The following CAPN1 variants were observed in gnomAD, a reference collection of about 807,000 sequenced individuals.
CAPN1 encodes calpain-1 catalytic subunit.
Under a neutral mutation model 105.2 loss-of-function variants are expected in CAPN1, and 77 were observed. That is an observed-to-expected ratio of 0.73 (90% confidence interval 0.61 to 0.88). The LOEUF is 0.88. Ranked by LOEUF, CAPN1 falls within the 40% of genes least tolerant of loss-of-function variation. The probability of loss-of-function intolerance (pLI) is 0.00; values close to 1 mark genes in which losing one functional copy is unlikely to be tolerated. For missense variants in CAPN1, 833 were observed against 976.6 expected (o/e 0.85, Z 1.96); for synonymous variants, 355 against 388.8 (o/e 0.91, Z 1.02).
Position 65,208,235 on chromosome 11 carries a change from A to G in CAPN1, c.1702A>G (p.Thr568Ala). The G allele has an allele frequency of 6.4e-7, 1 of 1,572,664 alleles. No individual in the cohort carries two copies. Among genetic ancestry groups the G allele is most frequent in the African/African-American group, 1.4e-5 (1 of 74,026 alleles). ...DMEISVKELR[T>A]ILNRIISKHK... Reference sequence around the variant, plus strand: ...GGAGATCAGCGTGAAGGAGTTGCGGACAATCCTCAATAGGATCATCAGCAA... The same window carrying G: ...GGAGATCAGCGTGAAGGAGTTGCGGGCAATCCTCAATAGGATCATCAGCAA... Residue 568 changes from threonine (T) to alanine (A), a missense_variant, in exon 16 of 22, where the codon ACA (threonine) becomes GCA (alanine). Coordinates refer to ENST00000279247, the MANE Select transcript of CAPN1 (RefSeq NM_005186.4). The surrounding 1 kb of genome is among the most constrained non-coding windows in gnomAD (Gnocchi z 4.1).
intron 14 of CAPN1, 125 bp downstream of exon 14, chr11:65,206,944 C>A (rs1948970125): frequency 2.3e-6 from 2 of 872,264 alleles, no homozygotes; most frequent in Non-Finnish European, 3.5e-6. Context: ...CTGGTGGAAG[C>A]CATAGGAGTA....
At position 65,209,654 on chromosome 11, in the gene CAPN1, G is replaced by C. The variant is rs1277403788; in HGVS notation, c.1795-195G>C. 1 of 652,500 alleles carries C rather than the reference G, an allele frequency of 1.5e-6. No individual in the cohort carries two copies. The allele number at this position is 652,500 out of a possible 1,614,324, so 40.4% of individuals were successfully genotyped here. A position where few individuals can be genotyped will look rare whatever the true frequency, so the allele number is the denominator to read the frequency against. ...TGGTGCTATTTCTGACCCCTCCCCAGCCCACTCCACTGCAGCCCAGCTCAG... is the reference window on the plus strand; with the variant it reads ...TGGTGCTATTTCTGACCCCTCCCCACCCCACTCCACTGCAGCCCAGCTCAG... On this transcript the variant is annotated intron_variant, in intron 17 of 21. Transcript: ENST00000279247. The surrounding 1 kb of genome is among the most constrained non-coding windows in gnomAD (Gnocchi z 4.1).
Position 65,204,725 on chromosome 11 carries a change from A to C in CAPN1, c.1208A>C (p.Glu403Ala). ...VNPQFKIRLD[E>A]TDDPDDYGDR... ...CCTCAGTTCAAGATCCGGCTGGATGAGACGGATGACCCGGACGACTACGGG... is the reference window on the plus strand; with the variant it reads ...CCTCAGTTCAAGATCCGGCTGGATGCGACGGATGACCCGGACGACTACGGG... Residue 403 changes from glutamate to alanine, a missense_variant, in exon 11 of 22, where the codon GAG becomes GCG. Transcript: ENST00000279247. 6.2e-7 allele frequency: 1 copy of C among 1,613,126 alleles called. No homozygotes were observed. Among genetic ancestry groups the C allele is most frequent in the South Asian group, 1.1e-5 (1 of 91,086 alleles).
chr11:65,185,972 A>G lies in CAPN1; in HGVS notation c.512A>G (p.Lys171Arg). 2 of 1,601,738 alleles carry G rather than the reference A, an allele frequency of 1.2e-6. No individual in the cohort carries two copies. Among genetic ancestry groups the G allele is most frequent in the Non-Finnish European group, 1.7e-6 (2 of 1,174,132 alleles). The change falls in exon 5 of 22, where the codon AAG (lysine) becomes AGG (arginine). Residue 171 changes from lysine to arginine, a missense_variant. By Grantham distance (26) the Lys-to-Arg change is conservative. Coordinates refer to ENST00000279247, the MANE Select transcript of CAPN1 (RefSeq NM_005186.4). The stretch of plus-strand genomic sequence containing the variant: ...GTCGTGGATGACCTGCTGCCCATCA[A>G]GGACGGGAAGCTAGTGTTCGTGCAC... ...DVVVDDLLPI[K>R]DGKLVFVHSA...
intron 14 of CAPN1, 67 bp from the exon 15 acceptor site, chr11:65,207,988 C>T: frequency 7.9e-7 from 1 of 1,258,214 alleles, no homozygotes; most frequent in Non-Finnish European, 1.1e-6. Context: ...TCAGCCCTCC[C>T]TCCAGCTGCC....
At chr11:65,199,147 G>T (rs1461150813) in intron 10 of CAPN1, among the ~76,000 whole-genome samples, 2 of 152,024 alleles carry the variant, frequency 1.3e-5, no homozygotes, top group Non-Finnish European at 2.9e-5. Context: ...TTTTGTATTT[G>T]TATTTTTATT....
Position 65,188,233 on chromosome 11 carries a change from T to C in CAPN1, c.930-181T>C. On this transcript the variant is annotated intron_variant, in intron 8 of 21. Transcript: ENST00000279247. This position sits in a 1 kb window ranked among gnomAD's most constrained non-coding sequence, Gnocchi z 5.5. Reference sequence around the variant, plus strand: ...GGCCCCTGTGCCCAGCCGTCGGGTGTGTGCAGGGCATCAGACTGGCCCTGA... The same window carrying C: ...GGCCCCTGTGCCCAGCCGTCGGGTGCGTGCAGGGCATCAGACTGGCCCTGA... 4.4e-6 allele frequency: 3 copies of C among 683,322 alleles called. No individual in the cohort carries two copies. The highest frequency in any genetic ancestry group is 7.4e-6 in the Non-Finnish European group (3 of 405,942). The allele number at this position is 683,322 out of a possible 1,614,324, so 42.3% of individuals were successfully genotyped here. A position where few individuals can be genotyped will look rare whatever the true frequency, so the allele number is the denominator to read the frequency against.
rs575591830 is a variant in CAPN1 at position 65,188,433 on chromosome 11, G to A, written c.949G>A (p.Val317Met). ...TCACAGCTCCTCAGAGTGGAACAACGTGGACCCATATGAACGGGACCAGCT... is the reference window on the plus strand; with the variant it reads ...TCACAGCTCCTCAGAGTGGAACAACATGGACCCATATGAACGGGACCAGCT... ...WSDSSSEWNNVDPYERDQLRV... is the reference protein window; with the variant it reads ...WSDSSSEWNNMDPYERDQLRV... The change falls in exon 9 of 22, where the codon GTG becomes ATG. Residue 317 changes from valine to methionine, a missense_variant. Val to Met is a conservative substitution (Grantham distance 21). Coordinates refer to ENST00000279247, the MANE Select transcript of CAPN1 (RefSeq NM_005186.4). This position sits in a 1 kb window ranked among gnomAD's most constrained non-coding sequence, Gnocchi z 5.5. The A allele has an allele frequency of 2.1e-5, 34 of 1,612,414 alleles. No homozygotes were observed. The highest frequency in any genetic ancestry group is 2.6e-5 in the Non-Finnish European group (31 of 1,179,320).
At chr11:65,205,199 C>T (rs1230632819) in intron 11 of CAPN1, among the ~76,000 whole-genome samples, 1 of 152,142 alleles carries the variant, frequency 6.6e-6, no homozygotes, top group African/African-American at 2.4e-5. Flanking sequence ...AAGCTGTGAG[C>T]AGAAGCTGGC....
chr11:65,183,531 ACCGAGTGGTTCCGCACGGCCAGAGCTTC>A lies in CAPN1; in HGVS notation c.397_424del (p.Val134MetfsTer33), dbSNP rs1948581283. 6.2e-7 allele frequency: 1 copy of A among 1,613,848 alleles called. No homozygotes were observed. Among genetic ancestry groups the A allele is most frequent in the African/African-American group, 1.3e-5 (1 of 75,016 alleles). On this transcript the variant is annotated frameshift_variant, in exon 4 of 22. Coordinates refer to ENST00000279247, the MANE Select transcript of CAPN1 (RefSeq NM_005186.4). LOFTEE classifies it high-confidence loss of function. ...CTCACTCTCAACGACACCCTCCTGC[ACCGAGTGGTTCCGCACGGCCAGAGCTTC>A]CAGAATGGCTATGCCGGCATCTTCC...
At chr11:65,200,246 G>A (rs556444620) in intron 10 of CAPN1, among the ~76,000 whole-genome samples, 2 of 151,918 alleles carry the variant, frequency 1.3e-5, no homozygotes, top group East Asian at 1.9e-4. Context: ...TTACCACCTC[G>A]CCCAGGCTAG....
In CAPN1 at chr11:65,209,328, G is replaced by T. The variant is rs769524015; in HGVS notation, c.1735G>T (p.Asp579Tyr). Residue 579 changes from aspartate (D) to tyrosine (Y), a missense_variant, in exon 17 of 22, where the codon GAC becomes TAC. Coordinates refer to ENST00000279247, the MANE Select transcript of CAPN1 (RefSeq NM_005186.4). This position sits in a 1 kb window ranked among gnomAD's most constrained non-coding sequence, Gnocchi z 4.1. ...GGAATTGGTTTTTCTTGCAGACAAA[G>T]ACCTGCGGACCAAGGGCTTCAGCCT... is the stretch of plus-strand genomic sequence containing the variant. ...ILNRIISKHK[D>Y]LRTKGFSLES... is the part of the protein sequence containing the mutation. 6 of 1,613,418 alleles carry T rather than the reference G, an allele frequency of 3.7e-6. No individual in the cohort carries two copies. Among genetic ancestry groups the T allele is most frequent in the Non-Finnish European group, 2.5e-6 (3 of 1,179,662 alleles).
At position 65,183,178 on chromosome 11, in the gene CAPN1, C is replaced by G; in HGVS notation, c.318C>G (p.Asp106Glu). The change falls in exon 3 of 22, where the codon GAC (aspartate) becomes GAG (glutamate). Residue 106 changes from aspartate to glutamate, a missense_variant. Physicochemically the swap from Asp to Glu is conservative, Grantham distance 45. Coordinates refer to ENST00000279247, the MANE Select transcript of CAPN1 (RefSeq NM_005186.4). ...TTGTGGATGGAGCTACCCGCACAGA[C>G]ATCTGCCAGGGAGCACTGGGTAGGC... ...QFIVDGATRT[D>E]ICQGALGDCW... is the part of the protein sequence containing the mutation. 6.2e-7 allele frequency: 1 copy of G among 1,613,916 alleles called. No homozygotes were observed. Among genetic ancestry groups the G allele is most frequent in the Non-Finnish European group, 8.5e-7 (1 of 1,179,834 alleles).
In CAPN1 at chr11:65,206,561, C is replaced by T. The variant is rs1948962495; in HGVS notation, c.1452C>T (p.Ser484=). Residue 484 remains serine (S), a synonymous_variant, in exon 13 of 22, where the codon AGC becomes AGT. Transcript: ENST00000279247. ...SEQFINLREV[S]TRFRLPPGEY... is the part of the protein sequence containing the mutation. ...AGTTCATCAACCTGCGAGAGGTCAG[C>T]ACCCGCTTCCGCCTGCCACCCGGGG... The T allele has an allele frequency of 1.2e-6, 2 of 1,613,482 alleles. No individual in the cohort carries two copies. The highest frequency in any genetic ancestry group is 1.7e-6 in the Non-Finnish European group (2 of 1,179,902).
rs543722476 is a variant in CAPN1 at position 65,188,289 on chromosome 11, C to T, written c.930-125C>T. 1.1e-5 allele frequency: 9 copies of T among 841,614 alleles called. No individual in the cohort carries two copies. The highest frequency in any genetic ancestry group is 3.4e-5 in the African/African-American group (2 of 59,098). The allele number at this position is 841,614 out of a possible 1,614,324, so 52.1% of individuals were successfully genotyped here. On this transcript the variant is annotated intron_variant, in intron 8 of 21. Coordinates refer to ENST00000279247, the MANE Select transcript of CAPN1 (RefSeq NM_005186.4). The surrounding 1 kb of genome is among the most constrained non-coding windows in gnomAD (Gnocchi z 5.5). Reference sequence around the variant, plus strand: ...CCACCCCCTAGAAGCGGAACCTTGGCGCTTGACCTTGAGGAGGCCACCTGG... The same window carrying T: ...CCACCCCCTAGAAGCGGAACCTTGGTGCTTGACCTTGAGGAGGCCACCTGG...
At chr11:65,197,549 T>C (rs1049526098) in intron 10 of CAPN1, among the ~76,000 whole-genome samples, 2 of 152,184 alleles carry the variant, frequency 1.3e-5, no homozygotes, top group Non-Finnish European at 2.9e-5. Flanking sequence ...TGTTTTGTTT[T>C]CTTGTAAACA....
intron 10 of CAPN1, among the ~76,000 whole-genome samples, chr11:65,193,436 G>C (rs1361048909): frequency 1.3e-5 from 2 of 151,486 alleles, no homozygotes; most frequent in African/African-American, 4.8e-5. Flanking sequence ...CTGCACTCAG[G>C]AGATCGAGAC....
At position 65,209,403 on chromosome 11, in the gene CAPN1, C is replaced by T; in HGVS notation, c.1794+16C>T. 6.2e-7 allele frequency: 1 copy of T among 1,609,866 alleles called. No individual in the cohort carries two copies. The highest frequency in any genetic ancestry group is 8.5e-7 in the Non-Finnish European group (1 of 1,177,054). ...CCTCATGGATGTATCCTTCCGTTTG[C>T]TTTTGTCTCCTGAGTGGGGTTTTGG... On this transcript the variant is annotated intron_variant, in intron 17 of 21. Transcript: ENST00000279247. The surrounding 1 kb of genome is among the most constrained non-coding windows in gnomAD (Gnocchi z 4.1).
intron 10 of CAPN1, among the ~76,000 whole-genome samples, chr11:65,197,184 C>A (rs1209702954): frequency 1.3e-5 from 2 of 149,744 alleles, no homozygotes; most frequent in Non-Finnish European, 3.0e-5. Context: ...TCCATTATAT[C>A]AAACTTATTG....
Sources: allele counts gnomAD v4.1 joint callset (sites outside exome capture counted in the v4.1 genomes callset), GRCh38; gene constraint gnomAD v4.1.1; non-coding constraint Gnocchi (gnomAD v3.1); transcripts MANE v1.5; gene names NCBI Gene and HGNC (gene_info 2026-07-23, HGNC 2026-07-21).